Variants in KLHL13 observed in about 807,000 individuals in gnomAD.
The protein encoded by KLHL13 is kelch like family member 13.
A neutral mutation model predicts 37.1 loss-of-function variants in KLHL13; 10 were observed. The ratio of observed to expected loss-of-function variants is 0.27; its 90% CI spans 0.17 to 0.46. The LOEUF (loss-of-function observed/expected upper bound fraction) is 0.46. KLHL13 is among the 20% of genes least tolerant of loss of function. The probability of loss-of-function intolerance (pLI) is 1.00; values close to 1 mark genes in which losing one functional copy is unlikely to be tolerated. For missense variants in KLHL13, 360 were observed against 509.3 expected, an observed-to-expected ratio of 0.71 and a Z score of 2.82; for synonymous variants, 163 against 181.2, an observed-to-expected ratio of 0.90 and a Z score of 0.81.
intron 1 of KLHL13, among the ~76,000 whole-genome samples, chrX:118,101,285 GTCA>G (rs2055285317): frequency 8.9e-6 from 1 of 111,794 alleles, no homozygotes; most frequent in Non-Finnish European, 1.9e-5. Flanking sequence ...TAATCAAGGA[GTCA>G]TAATTAGTAA....
intron 5 of KLHL13, among the ~76,000 whole-genome samples, chrX:117,906,085 T>C (rs1331570130): frequency 9.0e-6 from 1 of 111,607 alleles, no homozygotes; most frequent in African/African-American, 3.3e-5. Context: ...TCTATTTACA[T>C]AGGCATATGA....
At chrX:118,109,921 C>T (rs146922661) in intron 1 of KLHL13, among the ~76,000 whole-genome samples, 1,156 of 111,412 alleles carry the variant, frequency 0.01, 12 homozygotes, top group Non-Finnish European at 0.017. Flanking sequence ...TGCCTGTAAT[C>T]CCAATACTTT....
intron 1 of KLHL13, among the ~76,000 whole-genome samples, chrX:118,108,288 G>A (rs2055368035): frequency 8.9e-6 from 1 of 112,069 alleles, no homozygotes; most frequent in Non-Finnish European, 1.9e-5. Context: ...CAAGATTTGA[G>A]CAGTAACACA....
chrX:117,940,081 C>T (rs1321676448), intron 2 of KLHL13, among the ~76,000 whole-genome samples: 3 of 111,837 alleles, frequency 2.7e-5, no homozygotes, highest in Admixed American at 9.5e-5. Context: ...TTAGGTCTTA[C>T]GTTTAAGTCT....
chrX:117,924,113 G>T (rs1405768965), intron 2 of KLHL13, among the ~76,000 whole-genome samples: 11 of 111,719 alleles, frequency 9.8e-5, no homozygotes, highest in Non-Finnish European at 2.1e-4. Context: ...CCATATTAGT[G>T]AATTTTATTC....
intron 1 of KLHL13, among the ~76,000 whole-genome samples, chrX:117,991,758 G>T (rs187217623): frequency 1.2e-3 from 133 of 110,660 alleles, no homozygotes; most frequent in African/African-American, 4.3e-3. Flanking sequence ...AGAACAATTT[G>T]GGGGAGGGAG....
intron 1 of KLHL13, among the ~76,000 whole-genome samples, chrX:117,949,403 TG>T (rs201146138): frequency 0.093 from 10,350 of 111,179 alleles, 447 homozygotes; most frequent in African/African-American, 0.16. Context: ...AAAGCAAGAG[TG>T]CTCTGCTGAT....
At chrX:118,048,333 C>A (rs2054580345) in intron 1 of KLHL13, among the ~76,000 whole-genome samples, 1 of 111,693 alleles carries the variant, frequency 9.0e-6, no homozygotes, top group Non-Finnish European at 1.9e-5. Context: ...CACTCACACA[C>A]ACATACACAC....
At chrX:118,073,085 C>A (rs2054889132) in intron 1 of KLHL13, among the ~76,000 whole-genome samples, 1 of 107,103 alleles carries the variant, frequency 9.3e-6, no homozygotes, top group African/African-American at 3.4e-5. Flanking sequence ...CAGAGTGAGA[C>A]ACTCTCTCAA....
At chrX:117,914,772 T>C (rs1931227065) in intron 4 of KLHL13, among the ~76,000 whole-genome samples, 3 of 112,660 alleles carry the variant, frequency 2.7e-5, no homozygotes, top group South Asian at 3.6e-4. Flanking sequence ...TCTATTTATT[T>C]GCACTTTGAA....
intron 1 of KLHL13, among the ~76,000 whole-genome samples, chrX:118,077,580 G>A (rs1173260212): frequency 9.1e-6 from 1 of 110,409 alleles, no homozygotes; most frequent in Non-Finnish European, 1.9e-5. Context: ...AAAGGAAACA[G>A]CCTGCTGTTT....
chrX:118,014,780 G>A (rs28584369), intron 1 of KLHL13, among the ~76,000 whole-genome samples: 1 of 111,837 alleles, frequency 8.9e-6, no homozygotes, highest in Non-Finnish European at 1.9e-5. Flanking sequence ...TTGAAATATT[G>A]GGGGCTGATT....
intron 1 of KLHL13, among the ~76,000 whole-genome samples, chrX:117,965,582 T>C (rs915106467): frequency 1.8e-5 from 2 of 110,719 alleles, no homozygotes; most frequent in African/African-American, 3.3e-5. Context: ...GATACCAAAG[T>C]CCGGCAGAGA....
At chrX:118,031,542 A>G (rs1489551676) in intron 1 of KLHL13, among the ~76,000 whole-genome samples, 2 of 79,004 alleles carry the variant, frequency 2.5e-5, no homozygotes, top group African/African-American at 1.1e-4. Context: ...TATATATATT[A>G]GTTATATATA....
chrX:118,114,997 C>T (rs1327076914), intron 1 of KLHL13, among the ~76,000 whole-genome samples: 1 of 112,164 alleles, frequency 8.9e-6, no homozygotes, highest in Non-Finnish European at 1.9e-5. Flanking sequence ...TCTTCATTCA[C>T]AACCTGGTTT....
chrX:117,922,686 C>A (rs1931783503), intron 2 of KLHL13, among the ~76,000 whole-genome samples: 1 of 111,654 alleles, frequency 9.0e-6, no homozygotes, highest in Non-Finnish European at 1.9e-5. Flanking sequence ...GGTAGTGAAC[C>A]AGGAGTTGGG....
intron 2 of KLHL13, among the ~76,000 whole-genome samples, chrX:117,932,382 A>T (rs1307359951): frequency 1.8e-5 from 2 of 111,056 alleles, no homozygotes; most frequent in Admixed American, 1.9e-4. Context: ...ATTTTACCCT[A>T]CTTCTATGAG....
chrX:118,030,348 T>C (rs962608275), intron 1 of KLHL13, among the ~76,000 whole-genome samples: 2 of 112,223 alleles, frequency 1.8e-5, no homozygotes, highest in African/African-American at 6.5e-5. Context: ...TAAAATTTTT[T>C]AATTATGTTT....
At chrX:118,043,179 C>T (rs775756062) in intron 1 of KLHL13, among the ~76,000 whole-genome samples, 1 of 111,361 alleles carries the variant, frequency 9.0e-6, no homozygotes, top group African/African-American at 3.3e-5. Context: ...CCTAGTGACA[C>T]TGACCCATGA....
Sources: gnomAD v4.1 joint callset for allele counts (sites outside exome capture counted in the v4.1 genomes callset) on GRCh38, gnomAD v4.1.1 for gene constraint, MANE v1.5 for transcripts, NCBI Gene and HGNC (gene_info 2026-07-23, HGNC 2026-07-21) for gene names.